RELN: variants seen among roughly 807,000 people sequenced by gnomAD.
RELN encodes the protein reelin.
RELN carries 108 observed loss-of-function variants against 427.6 expected under a neutral mutation model. The observed-to-expected ratio is 0.25, with a 90% CI of 0.22 to 0.30. RELN has a LOEUF of 0.30. Ranked by LOEUF, RELN falls within the 10% of genes least tolerant of loss-of-function variation. The pLI is 1.00. For synonymous variants in RELN, 1,524 were observed against 1,513.4 expected (o/e 1.01, Z -0.16); for missense variants, 3,715 against 4,302.8 (o/e 0.86, Z 3.82).
intron 10 of RELN, among the ~76,000 whole-genome samples, chr7:103,691,139 C>G (rs1402349800): frequency 1.3e-5 from 2 of 152,102 alleles, no homozygotes; most frequent in East Asian, 3.9e-4. Flanking sequence ...GATGGTAAAG[C>G]CTTCTACCAA....
At chr7:103,930,868 ATGTGTGTGTGTGTGTGTGTGTG>A (rs60265174) in intron 1 of RELN, among the ~76,000 whole-genome samples, 3 of 141,902 alleles carry the variant, frequency 2.1e-5, no homozygotes, top group African/African-American at 2.6e-5. Context: ...GTGTGAGCAT[ATGTGTGTGTGTGTGTGTGTGTG>A]TGTGTGTGTG....
chr7:103,972,787 C>A (rs932760311), intron 1 of RELN, among the ~76,000 whole-genome samples: 1 of 152,092 alleles, frequency 6.6e-6, no homozygotes, highest in Non-Finnish European at 1.5e-5. Context: ...GAACAAGAAA[C>A]CTACACAGTT....
At chr7:103,625,903 T>A (rs888953221) in intron 20 of RELN, among the ~76,000 whole-genome samples, 9 of 152,018 alleles carry the variant, frequency 5.9e-5, no homozygotes, top group South Asian at 2.1e-4. Context: ...GTGTTCTCAC[T>A]CTATGCCCAA....
At chr7:103,510,475 T>C (rs1291125012) in intron 51 of RELN, among the ~76,000 whole-genome samples, 1 of 151,080 alleles carries the variant, frequency 6.6e-6, no homozygotes, top group African/African-American at 2.4e-5. Context: ...CATCACGCAC[T>C]GTGGGGCCTG....
intron 48 of RELN, among the ~76,000 whole-genome samples, chr7:103,521,603 G>C (rs1365710652): frequency 6.6e-6 from 1 of 152,072 alleles, no homozygotes; most frequent in East Asian, 1.9e-4. Context: ...CAATTAGAAG[G>C]GCTCCATGCA....
intron 2 of RELN, 107 bp from the exon 3 acceptor site, chr7:103,833,779 G>T: frequency 9.3e-7 from 1 of 1,070,316 alleles, no homozygotes; most frequent in Non-Finnish European, 1.4e-6. Flanking sequence ...AAGGTTCTAT[G>T]CTATTTGGCT....
intron 2 of RELN, among the ~76,000 whole-genome samples, chr7:103,852,451 T>C (rs886929267): frequency 1.3e-5 from 2 of 152,150 alleles, no homozygotes; most frequent in Non-Finnish European, 2.9e-5. Context: ...ATGCTTCTCT[T>C]TTCTCACATA....
At chr7:103,912,439 C>G (rs1351077930) in intron 2 of RELN, among the ~76,000 whole-genome samples, 1 of 152,226 alleles carries the variant, frequency 6.6e-6, no homozygotes, top group East Asian at 1.9e-4. Flanking sequence ...CCCACTTGGC[C>G]TCCCAAAGTG....
intron 3 of RELN, among the ~76,000 whole-genome samples, chr7:103,803,147 C>G (rs1340629225): frequency 6.6e-6 from 1 of 152,006 alleles, no homozygotes; most frequent in East Asian, 1.9e-4. Flanking sequence ...AAAACCCTGT[C>G]CAGCTTAATG....
intron 4 of RELN, among the ~76,000 whole-genome samples, chr7:103,774,861 C>T (rs1278396604): frequency 6.6e-6 from 1 of 152,082 alleles, no homozygotes; most frequent in Non-Finnish European, 1.5e-5. Context: ...TCTTCTGGTC[C>T]TGGGCTGTAC....
Position 103,561,714 on chromosome 7 carries a change from G to C in RELN, c.5352-5C>G. The C allele has an allele frequency of 6.2e-7, 1 of 1,613,898 alleles. No individual in the cohort carries two copies. Among genetic ancestry groups the C allele is most frequent in the Non-Finnish European group, 8.5e-7 (1 of 1,179,910 alleles). On this transcript the variant is annotated splice_region_variant and splice_polypyrimidine_tract_variant and intron_variant, in intron 35 of 64. Transcript: ENST00000428762. The stretch of plus-strand genomic sequence containing the variant: ...CCACCAAAGCCCCGGTCACACCTAA[G>C]AAAGAGAGGGAGTGGAGAAAAGACA...
intron 55 of RELN, 94 bp from the exon 56 acceptor site, chr7:103,496,862 A>G: frequency 6.9e-7 from 1 of 1,454,210 alleles, no homozygotes; most frequent in Non-Finnish European, 9.5e-7. Flanking sequence ...GAACTTCCCA[A>G]AGAAATTTTC....
At chr7:103,554,956 T>C (rs889633494) in intron 38 of RELN, among the ~76,000 whole-genome samples, 3 of 152,198 alleles carry the variant, frequency 2.0e-5, no homozygotes, top group Admixed American at 6.5e-5. Context: ...TGATACGTAA[T>C]TGCATTTATT....
At chr7:103,608,367 T>C (rs1279773906) in intron 22 of RELN, among the ~76,000 whole-genome samples, 3 of 152,242 alleles carry the variant, frequency 2.0e-5, no homozygotes, top group Non-Finnish European at 4.4e-5. Flanking sequence ...AGTAGGAATG[T>C]TAAGATAAAT....
intron 9 of RELN, among the ~76,000 whole-genome samples, chr7:103,700,097 G>A (rs1834059474): frequency 6.6e-6 from 1 of 151,960 alleles, no homozygotes; most frequent in African/African-American, 2.4e-5. Flanking sequence ...AAAAAAGAGA[G>A]CTGTCACGAA....
chr7:103,478,559 ATTC>A (rs1341610753), intron 63 of RELN, 165 bp from the exon 64 acceptor site: 1 of 661,172 alleles, frequency 1.5e-6, no homozygotes, highest in Non-Finnish European at 2.7e-6. Flanking sequence ...GTTATTTCTT[ATTC>A]TTCTATACCC....
At chr7:103,562,038 T>A in intron 34 of RELN, 85 bp from the exon 35 acceptor site, 1 of 1,510,998 alleles carries the variant, frequency 6.6e-7, no homozygotes, top group South Asian at 1.2e-5. Context: ...TAATTCCCTT[T>A]TCTCTTTAAA....
At chr7:103,578,727 T>C (rs755844152) in intron 28 of RELN, among the ~76,000 whole-genome samples, 3 of 152,210 alleles carry the variant, frequency 2.0e-5, no homozygotes, top group Non-Finnish European at 2.9e-5. Context: ...TAAGAGACCA[T>C]GAGAAGAAGG....
intron 11 of RELN, among the ~76,000 whole-genome samples, chr7:103,662,653 G>A (rs1466465871): frequency 6.6e-6 from 1 of 151,522 alleles, no homozygotes; most frequent in African/African-American, 2.4e-5. Flanking sequence ...AAAGAAACGG[G>A]TGACACTATT....
Sources: gnomAD v4.1 joint callset for allele counts (sites outside exome capture counted in the v4.1 genomes callset) on GRCh38, gnomAD v4.1.1 for gene constraint, MANE v1.5 for transcripts, NCBI Gene and HGNC (gene_info 2026-07-23, HGNC 2026-07-21) for gene names.